Variants in ZFYVE28 observed in about 807,000 individuals in gnomAD.
ZFYVE28 encodes the protein zinc finger FYVE-type containing 28, also known as lateral signaling target protein 2 homolog.
Under a neutral mutation model 82.1 loss-of-function variants are expected in ZFYVE28, and 40 were observed. That is an observed-to-expected ratio of 0.49 (90% confidence interval 0.38 to 0.63). The LOEUF (loss-of-function observed/expected upper bound fraction) is 0.63, where lower values mean the gene tolerates loss of function less well. ZFYVE28 is among the 30% of genes least tolerant of loss of function. The probability of loss-of-function intolerance (pLI) is 0.00; values close to 1 mark genes in which losing one functional copy is unlikely to be tolerated. For synonymous variants in ZFYVE28, 612 were observed against 546.1 expected (o/e 1.12, Z -1.68); for missense variants, 1,321 against 1,242.1 (o/e 1.06, Z -0.96).
chr4:2,377,314 G>A (rs925792489), intron 1 of ZFYVE28, among the ~76,000 whole-genome samples: 4 of 152,100 alleles, frequency 2.6e-5, no homozygotes, highest in South Asian at 2.1e-4. Context: ...GAGCCACTGC[G>A]CCCGGCCTAG....
In ZFYVE28 at chr4:2,275,087, A is replaced by G. The variant is rs141185127; in HGVS notation, c.2052-871T>C. On this transcript the variant is annotated intron_variant, in intron 8 of 12. Transcript: ENST00000290974. ...CCGGGACCTCCAGGGGCCTCTGCAC[A>G]AGACCCCACAGGCCTCGCTGGCCTC... 7.9e-3 allele frequency among the ~76,000 whole-genome samples: 1,182 copies of G among 150,086 alleles called. 6 individuals are homozygous for G. Among genetic ancestry groups the G allele is most frequent in the African/African-American group, 0.028 (1,116 of 40,558 alleles).
intron 1 of ZFYVE28, among the ~76,000 whole-genome samples, chr4:2,369,687 G>C (rs895898604): frequency 6.6e-6 from 1 of 151,864 alleles, no homozygotes; most frequent in Non-Finnish European, 1.5e-5. Flanking sequence ...TCGGTGTGAC[G>C]GGCCTGTAAG....
intron 8 of ZFYVE28, among the ~76,000 whole-genome samples, chr4:2,290,923 C>A (rs1022791121): frequency 6.6e-6 from 1 of 152,206 alleles, no homozygotes; most frequent in Non-Finnish European, 1.5e-5. Context: ...AAAGATCCCA[C>A]TATTATTATG....
intron 1 of ZFYVE28, among the ~76,000 whole-genome samples, chr4:2,379,031 T>C (rs1182693630): frequency 1.3e-5 from 2 of 152,096 alleles, no homozygotes; most frequent in Non-Finnish European, 2.9e-5. Flanking sequence ...GGTGAGCCAC[T>C]GGGAAGGTGT....
chr4:2,353,496 C>T (rs181557426), intron 2 of ZFYVE28, among the ~76,000 whole-genome samples: 4 of 152,290 alleles, frequency 2.6e-5, no homozygotes, highest in East Asian at 3.9e-4. Context: ...AAGAAAACCT[C>T]GGCCAGGGTA....
chr4:2,309,464 ACT>A lies in ZFYVE28; in HGVS notation c.804-3930_804-3929del, dbSNP rs1717177971. On this transcript the variant is annotated intron_variant, in intron 7 of 12. Coordinates refer to ENST00000290974, the MANE Select transcript of ZFYVE28 (RefSeq NM_020972.3). Reference sequence around the variant, plus strand: ...TTTATTGCTGGCATACAGAAAGACCACTTATTTTTGTATATTGATGTTTCACC... The same window carrying A: ...TTTATTGCTGGCATACAGAAAGACCATATTTTTGTATATTGATGTTTCACC... Among the ~76,000 whole-genome samples the A allele has an allele frequency of 2.6e-5, 4 of 152,166 alleles. No homozygotes were observed. The South Asian group carries it at 8.3e-4, about 32-fold the overall frequency.
At chr4:2,355,556 A>T (rs1373833736) in intron 1 of ZFYVE28, among the ~76,000 whole-genome samples, 1 of 150,992 alleles carries the variant, frequency 6.6e-6, no homozygotes, top group Non-Finnish European at 1.5e-5. Flanking sequence ...CTGGGATTAC[A>T]GGCCTGAGCC....
intron 6 of ZFYVE28, chr4:2,331,020 G>A (rs1363047561): frequency 6.9e-7 from 1 of 1,451,942 alleles, no homozygotes; most frequent in South Asian, 1.2e-5. Context: ...GCTCCTGCAC[G>A]TGTTCTGGGA....
chr4:2,381,807 A>G (rs1728758810), intron 1 of ZFYVE28, among the ~76,000 whole-genome samples: 1 of 152,248 alleles, frequency 6.6e-6, no homozygotes, highest in Admixed American at 6.5e-5. Flanking sequence ...TTAATCCCCA[A>G]GACAACTGGG....
chr4:2,396,898 G>A (rs1464968198), intron 1 of ZFYVE28, among the ~76,000 whole-genome samples: 2 of 152,184 alleles, frequency 1.3e-5, no homozygotes, highest in African/African-American at 2.4e-5. Context: ...TCACTGGGGG[G>A]TCCTGAGCAG....
At chr4:2,415,218 C>T (rs913215801) in intron 1 of ZFYVE28, among the ~76,000 whole-genome samples, 2 of 152,172 alleles carry the variant, frequency 1.3e-5, no homozygotes, top group Middle Eastern at 3.2e-3. Context: ...AAATGTATGT[C>T]ACACAGGAAT....
At chr4:2,331,701 C>A (rs541210114) in intron 6 of ZFYVE28, among the ~76,000 whole-genome samples, 5 of 152,132 alleles carry the variant, frequency 3.3e-5, no homozygotes, top group African/African-American at 1.2e-4. Flanking sequence ...CCCTCCCCTA[C>A]GGCTCAGAGC....
At position 2,300,226 on chromosome 4, in the gene ZFYVE28, G is replaced by A. The variant is rs1240877584; in HGVS notation, c.2051+4063C>T. On this transcript the variant is annotated intron_variant, in intron 8 of 12. Transcript: ENST00000290974. This position sits in a 1 kb window ranked among gnomAD's most constrained non-coding sequence, Gnocchi z 4.6. ...ATCCACTTCATGGTGTCCCTGGAAG[G>A]AACAGACAACCAGCCTGAGTGGACT... Among the ~76,000 whole-genome samples the A allele has an allele frequency of 1.3e-5, 2 of 152,210 alleles. No individual in the cohort carries two copies. Among genetic ancestry groups the A allele is most frequent in the Non-Finnish European group, 2.9e-5 (2 of 68,042 alleles).
rs1250186027 is a variant in ZFYVE28, at chr4:2,369,842, T to TATTTTATTTTATTTA, written c.40-15770_40-15769insTAAATAAAATAAAAT. 1.3e-3 allele frequency among the ~76,000 whole-genome samples: 183 copies of TATTTTATTTTATTTA among 139,058 alleles called. 2 individuals carry two copies. The highest frequency in any genetic ancestry group is 4.5e-3 in the African/African-American group (170 of 37,782). 91.2% of individuals were successfully genotyped at this position (139,058 alleles called of 152,430 possible). On this transcript the variant is annotated intron_variant, in intron 1 of 12. Transcript: ENST00000290974. ...AACTTTGAAAGAAGGGATTTTTTTTTTTCTTTTCTTTTTTTTTTTTTTTTT... is the reference window on the plus strand; with the variant it reads ...AACTTTGAAAGAAGGGATTTTTTTTTATTTTATTTTATTTATTCTTTTCTTTTTTTTTTTTTTTTT...
chr4:2,282,509 G>A (rs1415948153), intron 8 of ZFYVE28, among the ~76,000 whole-genome samples: 2 of 152,182 alleles, frequency 1.3e-5, no homozygotes, highest in Non-Finnish European at 1.5e-5. Context: ...CATGGAACAC[G>A]TCTGAATTCA....
chr4:2,377,268 G>A lies in ZFYVE28; in HGVS notation c.40-23195C>T, dbSNP rs566476800. On this transcript the variant is annotated intron_variant, in intron 1 of 12. Transcript: ENST00000290974. ...GATCTCCTGACCTTGTGATCCGCCC[G>A]CCTCGGCCTCCCAAAGTGCTGGAAT... 1.3e-4 allele frequency among the ~76,000 whole-genome samples: 20 copies of A among 151,612 alleles called. No homozygotes were observed. In the East Asian group the frequency reaches 3.3e-3, roughly 25 times the overall value.
chr4:2,272,618 G>T (rs1001876224), intron 10 of ZFYVE28, among the ~76,000 whole-genome samples: 2 of 152,230 alleles, frequency 1.3e-5, no homozygotes, highest in Admixed American at 1.3e-4. Context: ...ATGCCTGTGT[G>T]CTTCTGCTGT....
intron 6 of ZFYVE28, among the ~76,000 whole-genome samples, chr4:2,326,202 G>C (rs892525856): frequency 6.6e-6 from 1 of 152,054 alleles, no homozygotes; most frequent in African/African-American, 2.4e-5. Context: ...CTTATATTTA[G>C]CTCTTTAATC....
At chr4:2,309,864 T>C in intron 7 of ZFYVE28, among the ~76,000 whole-genome samples, 1 of 152,174 alleles carries the variant, frequency 6.6e-6, no homozygotes, top group South Asian at 2.1e-4. Flanking sequence ...TCTTGTTCTG[T>C]TTTGTTTATT....
Sources: gnomAD v4.1 joint callset for allele counts (sites outside exome capture counted in the v4.1 genomes callset) on GRCh38, gnomAD v4.1.1 for gene constraint, Gnocchi (gnomAD v3.1) non-coding constraint, MANE v1.5 for transcripts, NCBI Gene and HGNC (gene_info 2026-07-23, HGNC 2026-07-21) for gene names.